ACTN2: variants seen among roughly 807,000 people sequenced by gnomAD.
The protein encoded by ACTN2 is alpha-actinin-2.
A neutral mutation model predicts 113.8 loss-of-function variants in ACTN2; 39 were observed. The ratio of observed to expected loss-of-function variants is 0.34; its 90% CI spans 0.27 to 0.45. ACTN2 has a LOEUF of 0.45. Among genes scored for constraint, ACTN2 ranks in the 20% least tolerant of loss-of-function variants. The pLI is 1.00. For synonymous variants in ACTN2, 429 were observed against 444.1 expected, an observed-to-expected ratio of 0.97 and a Z score of 0.43; for missense variants, 992 against 1,177.9, an observed-to-expected ratio of 0.84 and a Z score of 2.31.
chr1:236,750,348 A>G (rs1283408648), intron 14 of ACTN2, among the ~76,000 whole-genome samples: 1 of 152,218 alleles, frequency 6.6e-6, no homozygotes, highest in Non-Finnish European at 1.5e-5. Context: ...GGGGAAAGAA[A>G]GTGCTTCCAT....
In ACTN2 at chr1:236,764,385, C is replaced by G. The variant is rs1422660305; in HGVS notation, c.*1766C>G. 6.6e-6 allele frequency: 1 copy of G among 152,258 alleles called. No homozygotes were observed. The highest frequency in any genetic ancestry group is 1.9e-4 in the East Asian group (1 of 5,182). The allele number at this position is 152,258 out of a possible 1,614,324, so 9.4% of individuals were successfully genotyped here. On this transcript the variant is annotated 3_prime_UTR_variant, in exon 21 of 21. Transcript: ENST00000366578. ...CTTCCTTTGAGGCTATTAGGGGGCT[C>G]TGTGGTGTTTTAGGATGGGTGTGGG... is the stretch of plus-strand genomic sequence containing the variant.
chr1:236,715,670 T>A (rs1658179915), intron 1 of ACTN2, among the ~76,000 whole-genome samples: 1 of 152,122 alleles, frequency 6.6e-6, no homozygotes, highest in South Asian at 2.1e-4. Context: ...AGTATATGGC[T>A]TAAGACCGAG....
intron 1 of ACTN2, among the ~76,000 whole-genome samples, chr1:236,689,893 G>A (rs1215651991): frequency 6.6e-6 from 1 of 152,222 alleles, no homozygotes; most frequent in African/African-American, 2.4e-5. Flanking sequence ...GAGCAGCAAT[G>A]CTGAATATGT....
At chr1:236,743,302 C>A (rs553202693) in intron 11 of ACTN2, among the ~76,000 whole-genome samples, 1 of 152,306 alleles carries the variant, frequency 6.6e-6, no homozygotes, top group South Asian at 2.1e-4. Context: ...CTACATAAGG[C>A]CTGGCCTCCT....
intron 1 of ACTN2, among the ~76,000 whole-genome samples, chr1:236,698,161 A>G (rs1657573205): frequency 6.6e-6 from 1 of 151,798 alleles, no homozygotes. Flanking sequence ...ATTCTTCTGC[A>G]CTCAGAATGG....
At chr1:236,726,795 A>G (rs1658562031) in intron 5 of ACTN2, among the ~76,000 whole-genome samples, 1 of 152,220 alleles carries the variant, frequency 6.6e-6, no homozygotes, top group African/African-American at 2.4e-5. Flanking sequence ...ACAAAGGGGA[A>G]GAGAATCCTT....
rs1398869189 is a variant in ACTN2 at position 236,736,970 on chromosome 1, C to T, written c.784-152C>T. On this transcript the variant is annotated intron_variant, in intron 8 of 20. Coordinates refer to ENST00000366578, the MANE Select transcript of ACTN2 (RefSeq NM_001103.4). ...GAAATGATTCATAGTACGCATAAGC[C>T]ATGCCTTCAGTCTGACCGCACCCTA... 1.0e-5 allele frequency: 7 copies of T among 674,142 alleles called. No individual in the cohort carries two copies. In the East Asian group the frequency reaches 2.0e-4, roughly 19 times the overall value. 41.8% of individuals were successfully genotyped at this position (674,142 alleles called of 1,614,324 possible).
chr1:236,693,987 CT>C (rs1657382332), intron 1 of ACTN2, among the ~76,000 whole-genome samples: 1 of 152,242 alleles, frequency 6.6e-6, no homozygotes, highest in East Asian at 1.9e-4. Flanking sequence ...CCCTGATTGC[CT>C]GTCACTGTGT....
intron 5 of ACTN2, among the ~76,000 whole-genome samples, chr1:236,726,675 A>C (rs1385931619): frequency 6.6e-6 from 1 of 152,198 alleles, no homozygotes; most frequent in Non-Finnish European, 1.5e-5. Flanking sequence ...TAATCAGAAA[A>C]AGGAAAGATA....
chr1:236,708,235 C>T (rs1454489184), intron 1 of ACTN2, among the ~76,000 whole-genome samples: 1 of 152,082 alleles, frequency 6.6e-6, no homozygotes, highest in Non-Finnish European at 1.5e-5. Flanking sequence ...TAGTTAGATG[C>T]CTAATTATGT....
intron 19 of ACTN2, 109 bp from the exon 20 acceptor site, chr1:236,760,906 C>G: frequency 7.2e-7 from 1 of 1,390,708 alleles, no homozygotes; most frequent in South Asian, 1.2e-5. Flanking sequence ...GGTAATAATT[C>G]AGTTTTCAGA....
intron 19 of ACTN2, among the ~76,000 whole-genome samples, chr1:236,760,254 A>T (rs1388460137): frequency 6.6e-6 from 1 of 152,166 alleles, no homozygotes; most frequent in East Asian, 1.9e-4. Flanking sequence ...CAAAAAAAAA[A>T]AAAGTCACAG....
intron 1 of ACTN2, among the ~76,000 whole-genome samples, chr1:236,703,775 T>C (rs779040645): frequency 5.3e-5 from 8 of 152,102 alleles, no homozygotes; most frequent in Non-Finnish European, 1.0e-4. Context: ...CAGCTCCGAA[T>C]GTTTGGTGAC....
chr1:236,747,461 T>C (rs1381075501), intron 12 of ACTN2, among the ~76,000 whole-genome samples: 1 of 152,206 alleles, frequency 6.6e-6, no homozygotes, highest in African/African-American at 2.4e-5. Flanking sequence ...GAAATCACAC[T>C]AAGTAATTTT....
chr1:236,760,110 G>A (rs1659662573), intron 19 of ACTN2, among the ~76,000 whole-genome samples: 1 of 152,110 alleles, frequency 6.6e-6, no homozygotes, highest in African/African-American at 2.4e-5. Context: ...GCCAGCTGTG[G>A]TGGCGGGCAC....
intron 1 of ACTN2, among the ~76,000 whole-genome samples, chr1:236,710,335 T>A (rs180820208): frequency 1.5e-3 from 229 of 152,376 alleles, no homozygotes; most frequent in Admixed American, 3.1e-3. Context: ...CACTGGTTTG[T>A]CTCAACAATT....
intron 12 of ACTN2, 105 bp downstream of exon 12, chr1:236,744,881 G>T: frequency 6.9e-7 from 1 of 1,446,386 alleles, no homozygotes; most frequent in Non-Finnish European, 9.6e-7. Context: ...AGGGAACCAC[G>T]CTGGAGGCAC....
intron 10 of ACTN2, among the ~76,000 whole-genome samples, chr1:236,740,982 T>C (rs1487233669): frequency 1.3e-5 from 2 of 152,204 alleles, no homozygotes; most frequent in Non-Finnish European, 2.9e-5. Flanking sequence ...TCAGGCTTGG[T>C]GCTGAGCCCT....
At chr1:236,751,749 C>T (rs1659402803) in intron 15 of ACTN2, 97 bp downstream of exon 15, 2 of 1,392,514 alleles carry the variant, frequency 1.4e-6, no homozygotes, top group Admixed American at 1.8e-5. Context: ...GTGACGGCCT[C>T]ATTTTGCATC....
Sources: gnomAD v4.1 joint callset for allele counts (sites outside exome capture counted in the v4.1 genomes callset) on GRCh38, gnomAD v4.1.1 for gene constraint, MANE v1.5 for transcripts, NCBI Gene and HGNC (gene_info 2026-07-23, HGNC 2026-07-21) for gene names.